Variants in ADAM19 observed in about 807,000 individuals in gnomAD.
The protein encoded by ADAM19 is ADAM metallopeptidase domain 19.
In ADAM19, 65 loss-of-function variants were observed where a neutral mutation model predicts 114.7. That is an observed-to-expected ratio of 0.57 (90% CI 0.46 to 0.70). The LOEUF is 0.70. Ranked by LOEUF, ADAM19 falls within the 30% of genes least tolerant of loss-of-function variation. The probability of loss-of-function intolerance (pLI) is 0.00; values close to 1 mark genes in which losing one functional copy is unlikely to be tolerated. For synonymous variants in ADAM19, 466 were observed against 460.5 expected, an observed-to-expected ratio of 1.01 and a Z score of -0.15; for missense variants, 1,063 against 1,204.7, an observed-to-expected ratio of 0.88 and a Z score of 1.74.
intron 8 of ADAM19, among the ~76,000 whole-genome samples, chr5:157,510,240 TAAG>T (rs890633620): frequency 2.7e-4 from 41 of 152,358 alleles, no homozygotes; most frequent in African/African-American, 9.1e-4. Flanking sequence ...TCTGGGAGGC[TAAG>T]GTGGATGGAT....
chr5:157,499,596 C>G lies in ADAM19; in HGVS notation c.1375G>C (p.Gly459Arg), dbSNP rs1252193734. The change falls in exon 13 of 23, where the codon GGC (glycine) becomes CGC (arginine). Residue 459 changes from glycine to arginine, a missense_variant. Around this residue, in one of 3 missense-constraint regions of ADAM19, gnomAD observed 615 missense variants for 706.3 expected, o/e 0.87. Coordinates refer to ENST00000257527, the MANE Select transcript of ADAM19 (RefSeq NM_033274.5). ...TLRPGAECAH[G>R]SCCHQCKLLA... ...ACCTTACACTGGTGGCAGCAGGAGC[C>G]GTGAGCACACTCCGCCCCCGGCCTC... 2 of 1,613,384 alleles carry G rather than the reference C, an allele frequency of 1.2e-6. No individual in the cohort carries two copies. The highest frequency in any genetic ancestry group is 1.1e-5 in the South Asian group (1 of 90,972).
chr5:157,572,085 C>T (rs190643179), intron 1 of ADAM19, among the ~76,000 whole-genome samples: 1,622 of 148,574 alleles, frequency 0.011, 26 homozygotes, highest in African/African-American at 0.038. Context: ...AAGTAGGAGT[C>T]CTGTTTTTTT....
chr5:157,548,382 C>A (rs1262540569), intron 3 of ADAM19, among the ~76,000 whole-genome samples: 3 of 152,190 alleles, frequency 2.0e-5, no homozygotes, highest in African/African-American at 7.2e-5. Context: ...TATCCCAGTG[C>A]CTGCCACATA....
chr5:157,575,661 C>T lies in ADAM19; in HGVS notation c.36G>A (p.Leu12=), dbSNP rs779674969. ...GGAGGGGCTGCAGGGCAAACGCCAG[C>T]AAGCAGAGCCGGGCGGCGCCTGCGC... is the stretch of plus-strand genomic sequence containing the variant. ...PGGAGAARLC[L]LAFALQPLRP... Residue 12 remains leucine, a synonymous_variant, in exon 1 of 23, where the codon TTG becomes TTA. Coordinates refer to ENST00000257527, the MANE Select transcript of ADAM19 (RefSeq NM_033274.5). 1 of 1,383,604 alleles carries T rather than the reference C, an allele frequency of 7.2e-7. No homozygotes were observed. Among genetic ancestry groups the T allele is most frequent in the Non-Finnish European group, 9.3e-7 (1 of 1,077,100 alleles). 85.7% of individuals were successfully genotyped at this position (1,383,604 alleles called of 1,614,324 possible). A position where few individuals can be genotyped will look rare whatever the true frequency, so the allele number is the denominator to read the frequency against.
chr5:157,496,840 G>A, intron 14 of ADAM19, 54 bp downstream of exon 14: 1 of 1,466,470 alleles, frequency 6.8e-7, no homozygotes, highest in Non-Finnish European at 9.0e-7. Flanking sequence ...GCCAGGGGAG[G>A]CTGGCTGGGA....
chr5:157,486,853 T>A (rs1754951256), intron 21 of ADAM19, among the ~76,000 whole-genome samples: 1 of 152,040 alleles, frequency 6.6e-6, no homozygotes, highest in African/African-American at 2.4e-5. Flanking sequence ...TGTGACCATA[T>A]TTAGAGATAA....
intron 11 of ADAM19, among the ~76,000 whole-genome samples, chr5:157,505,189 G>T (rs1245708033): frequency 6.6e-6 from 1 of 151,658 alleles, no homozygotes; most frequent in Non-Finnish European, 1.5e-5. Context: ...GTTCCTCATG[G>T]GTAATGTGGC....
chr5:157,513,297 C>T (rs1356039663), intron 8 of ADAM19, 137 bp downstream of exon 8: 10 of 737,160 alleles, frequency 1.4e-5, no homozygotes, highest in Admixed American at 4.8e-5. Context: ...CTGTCATGAC[C>T]GCCCTGGGCC....
At chr5:157,490,877 G>C (rs1240888930) in intron 18 of ADAM19, among the ~76,000 whole-genome samples, 1 of 136,598 alleles carries the variant, frequency 7.3e-6, no homozygotes, top group Admixed American at 7.8e-5. Context: ...GGGTGACAGA[G>C]CAAGACTCCG....
At chr5:157,482,705 G>A (rs980797171) in intron 21 of ADAM19, among the ~76,000 whole-genome samples, 7 of 152,112 alleles carry the variant, frequency 4.6e-5, no homozygotes, top group Admixed American at 3.3e-4. Context: ...CCCACTACTG[G>A]ATATATACCC....
chr5:157,542,083 C>A (rs1756933343), intron 3 of ADAM19, among the ~76,000 whole-genome samples: 1 of 152,218 alleles, frequency 6.6e-6, no homozygotes, highest in African/African-American at 2.4e-5. Context: ...CTTGGGAGGT[C>A]CACTTTTCTG....
At chr5:157,491,007 C>T (rs978721957) in intron 18 of ADAM19, among the ~76,000 whole-genome samples, 1 of 152,024 alleles carries the variant, frequency 6.6e-6, no homozygotes. Flanking sequence ...AATATTCTCT[C>T]AAGTGGTTAA....
At chr5:157,508,486 G>T (rs1402576339) in intron 9 of ADAM19, among the ~76,000 whole-genome samples, 1 of 152,118 alleles carries the variant, frequency 6.6e-6, no homozygotes, top group Non-Finnish European at 1.5e-5. Flanking sequence ...GTGCATGCCT[G>T]CTACTTGGGA....
At chr5:157,509,674 G>A (rs1755855115) in intron 8 of ADAM19, among the ~76,000 whole-genome samples, 1 of 152,222 alleles carries the variant, frequency 6.6e-6, no homozygotes, top group Non-Finnish European at 1.5e-5. Context: ...TCCAACAGAA[G>A]GAGGCAACTG....
In ADAM19 at chr5:157,480,798, C is replaced by T; in HGVS notation, c.*151G>A. 6.8e-7 allele frequency: 1 copy of T among 1,476,964 alleles called. No individual in the cohort carries two copies. Among genetic ancestry groups the T allele is most frequent in the Admixed American group, 2.6e-5 (1 of 38,928 alleles). 91.5% of individuals were successfully genotyped at this position (1,476,964 alleles called of 1,614,324 possible). ...CAAGGAAGCCGAGGAGGCACTGAGTCAACAGGGAGATTTTTGGAGATGTGG... is the reference window on the plus strand; with the variant it reads ...CAAGGAAGCCGAGGAGGCACTGAGTTAACAGGGAGATTTTTGGAGATGTGG... On this transcript the variant is annotated 3_prime_UTR_variant, in exon 23 of 23. Coordinates refer to ENST00000257527, the MANE Select transcript of ADAM19 (RefSeq NM_033274.5).
At chr5:157,541,526 A>C (rs1266124430) in intron 3 of ADAM19, among the ~76,000 whole-genome samples, 1 of 152,134 alleles carries the variant, frequency 6.6e-6, no homozygotes, top group Non-Finnish European at 1.5e-5. Context: ...GGTCATTTAG[A>C]TTCCAAAGTC....
intron 22 of ADAM19, chr5:157,481,209 A>T (rs1273762005): frequency 3.1e-6 from 2 of 639,196 alleles, no homozygotes; most frequent in Admixed American, 5.8e-5. Context: ...TCTCAAGCTG[A>T]CCAGCCACCC....
intron 15 of ADAM19, 108 bp downstream of exon 15, chr5:157,494,579 A>G (rs1172479971): frequency 2.4e-6 from 2 of 817,124 alleles, no homozygotes; most frequent in African/African-American, 3.4e-5. Context: ...GATTGACGTA[A>G]AGGTGCAGCT....
At chr5:157,547,103 G>A (rs987759961) in intron 3 of ADAM19, among the ~76,000 whole-genome samples, 2 of 152,174 alleles carry the variant, frequency 1.3e-5, no homozygotes, top group Non-Finnish European at 2.9e-5. Context: ...AAGAGTACAG[G>A]ACACTGCTTT....
Sources: allele counts gnomAD v4.1 joint callset (sites outside exome capture counted in the v4.1 genomes callset), GRCh38; gene constraint gnomAD v4.1.1; regional missense constraint gnomAD v4.1.1; transcripts MANE v1.5; gene names NCBI Gene and HGNC (gene_info 2026-07-23, HGNC 2026-07-21).